The following HMOX2 variants were observed in gnomAD, a reference collection of about 807,000 sequenced individuals.
HMOX2 encodes the protein heme oxygenase 2, also known as heme oxygenase (decycling) 2.
A neutral mutation model predicts 33.7 loss-of-function variants in HMOX2; 30 were observed. The ratio of observed to expected loss-of-function variants is 0.89; its 90% CI spans 0.67 to 1.21. HMOX2 has a LOEUF of 1.21. Among genes scored for constraint, HMOX2 ranks in the 50% most tolerant of loss-of-function variants. The pLI is 0.00. For synonymous variants in HMOX2, 155 were observed against 155.0 expected, an observed-to-expected ratio of 1.00 and a Z score of 0.00; for missense variants, 403 against 399.1, an observed-to-expected ratio of 1.01 and a Z score of -0.08.
intron 1 of HMOX2, among the ~76,000 whole-genome samples, chr16:4,502,126 T>C (rs17885045): frequency 6.6e-6 from 1 of 152,206 alleles, no homozygotes; most frequent in South Asian, 2.1e-4. Context: ...GCTTTCACCA[T>C]GTTGGCCAGG....
chr16:4,485,814 T>C (rs1394131739), intron 1 of HMOX2, among the ~76,000 whole-genome samples: 1 of 152,172 alleles, frequency 6.6e-6, no homozygotes, highest in East Asian at 1.9e-4. Context: ...AACCTCTGCC[T>C]CCCGGGTTCA....
intron 1 of HMOX2, among the ~76,000 whole-genome samples, chr16:4,479,269 G>T (rs1291669021): frequency 3.9e-5 from 6 of 152,134 alleles, no homozygotes; most frequent in Non-Finnish European, 7.3e-5. Flanking sequence ...TAAGTTTTTG[G>T]TGTCTTTGGA....
intron 1 of HMOX2, among the ~76,000 whole-genome samples, chr16:4,497,569 C>G (rs1411544202): frequency 6.6e-6 from 1 of 152,128 alleles, no homozygotes; most frequent in Admixed American, 6.5e-5. Flanking sequence ...CATCATTGTC[C>G]CAACAATAGT....
In HMOX2 at chr16:4,500,894, T is replaced by A. The variant is rs529306474; in HGVS notation, c.-41-4590T>A. Among the ~76,000 whole-genome samples, 4 of 152,240 alleles carry A rather than the reference T, an allele frequency of 2.6e-5. No individual in the cohort carries two copies. In the East Asian group the frequency reaches 7.7e-4, roughly 29 times the overall value. On this transcript the variant is annotated intron_variant, in intron 1 of 5. Coordinates refer to ENST00000570646, the MANE Select transcript of HMOX2 (RefSeq NM_002134.4). ...GCTTCTGTTAGCTCAGGTGTTGGAA[T>A]GAGAATCAGCAGCTGATGAGGTGAA...
chr16:4,506,944 G>T lies in HMOX2; in HGVS notation c.136G>T (p.Asp46Tyr). 1 of 1,614,086 alleles carries T rather than the reference G, an allele frequency of 6.2e-7. No individual in the cohort carries two copies. Among genetic ancestry groups the T allele is most frequent in the Non-Finnish European group, 8.5e-7 (1 of 1,179,996 alleles). ...GAAGGAAGGGACCAAGGAAGCACAC[G>T]ACCGGGCAGAAAACACCCAGTTTGT... Reference protein sequence around the residue: ...LLKEGTKEAHDRAENTQFVKD... With the variant: ...LLKEGTKEAHYRAENTQFVKD... Residue 46 changes from aspartate to tyrosine, a missense_variant, in exon 3 of 6, where the codon GAC becomes TAC. By Grantham distance (160) the Asp-to-Tyr change is radical. Coordinates refer to ENST00000570646, the MANE Select transcript of HMOX2 (RefSeq NM_002134.4).
chr16:4,478,288 C>T (rs2057924800), intron 1 of HMOX2, among the ~76,000 whole-genome samples: 1 of 152,214 alleles, frequency 6.6e-6, no homozygotes, highest in Non-Finnish European at 1.5e-5. Context: ...GCCTTTAGCT[C>T]ACCCCTCATC....
At chr16:4,488,853 C>G (rs2058239258) in intron 1 of HMOX2, 1 of 142,934 alleles carries the variant, frequency 7.0e-6, no homozygotes, top group African/African-American at 2.6e-5. Flanking sequence ...GAGACAGGAT[C>G]TCACTCTGTC....
In HMOX2 at chr16:4,509,848, C is replaced by G; in HGVS notation, c.*92C>G. The G allele has an allele frequency of 7.0e-7, 1 of 1,423,868 alleles. No individual in the cohort carries two copies. Among genetic ancestry groups the G allele is most frequent in the Non-Finnish European group, 9.4e-7 (1 of 1,059,154 alleles). 88.2% of individuals were successfully genotyped at this position (1,423,868 alleles called of 1,614,324 possible). ...CTGACTAAACTACCACCTCAGGTGA[C>G]TTTTTAAAAAATGCTGGGTTTAAGA... On this transcript the variant is annotated 3_prime_UTR_variant, in exon 6 of 6. Transcript: ENST00000570646.
At chr16:4,488,175 T>G (rs937395200) in intron 1 of HMOX2, among the ~76,000 whole-genome samples, 5 of 151,096 alleles carry the variant, frequency 3.3e-5, no homozygotes, top group African/African-American at 4.9e-5. Context: ...CTCACAGCCC[T>G]GGAGAATGCC....
At chr16:4,483,511 A>G (rs1436138657) in intron 1 of HMOX2, 2 of 152,178 alleles carry the variant, frequency 1.3e-5, no homozygotes, top group Non-Finnish European at 2.9e-5. Flanking sequence ...GTTAAAGACC[A>G]ATATCAGAAT....
intron 1 of HMOX2, among the ~76,000 whole-genome samples, chr16:4,481,348 C>CA (rs60035479): frequency 0.32 from 36,003 of 113,796 alleles, 5,250 homozygotes; most frequent in South Asian, 0.45. Context: ...GACTCCGTCT[C>CA]AAAAAAAAAA....
In HMOX2 at chr16:4,478,164, C is replaced by T. The variant is rs184647277; in HGVS notation, c.-42+1677C>T. On this transcript the variant is annotated intron_variant, in intron 1 of 5. Coordinates refer to ENST00000570646, the MANE Select transcript of HMOX2 (RefSeq NM_002134.4). ...TTCCTCCATTGTCTGACTTGATTTCCTTTTTTCCTTGGCTGTGGCAACATG... is the reference window on the plus strand; with the variant it reads ...TTCCTCCATTGTCTGACTTGATTTCTTTTTTTCCTTGGCTGTGGCAACATG... Among the ~76,000 whole-genome samples, 304 of 152,226 alleles carry T rather than the reference C, an allele frequency of 2.0e-3. 2 individuals are homozygous for T. Among genetic ancestry groups the T allele is most frequent in the Non-Finnish European group, 3.1e-3 (213 of 68,012 alleles).
chr16:4,507,664 G>A (rs201894010), intron 3 of HMOX2, 49 bp from the exon 4 acceptor site: 83 of 1,581,908 alleles, frequency 5.2e-5, no homozygotes, highest in Admixed American at 8.7e-5. Flanking sequence ...CCAGCTGCTC[G>A]GATGTGGTGT....
chr16:4,498,998 C>T (rs2058492229), intron 1 of HMOX2, among the ~76,000 whole-genome samples: 1 of 152,214 alleles, frequency 6.6e-6, no homozygotes, highest in Non-Finnish European at 1.5e-5. Context: ...GTATTCTAGC[C>T]TCCAGTGCTC....
intron 1 of HMOX2, among the ~76,000 whole-genome samples, chr16:4,481,126 C>T (rs1230073122): frequency 1.3e-5 from 2 of 151,144 alleles, no homozygotes; most frequent in African/African-American, 4.9e-5. Flanking sequence ...GCGGGCGGAT[C>T]ACGAGGTCAG....
intron 4 of HMOX2, 75 bp downstream of exon 4, chr16:4,508,279 A>G: frequency 1.4e-6 from 2 of 1,470,542 alleles, no homozygotes; most frequent in Non-Finnish European, 1.8e-6. Flanking sequence ...ATAGTGGCCC[A>G]TGAAGGCACA....
At position 4,509,542 on chromosome 16, in the gene HMOX2, G is replaced by C; in HGVS notation, c.823+4G>C. The C allele has an allele frequency of 6.2e-7, 1 of 1,614,156 alleles. No homozygotes were observed. The highest frequency in any genetic ancestry group is 1.1e-5 in the South Asian group (1 of 91,080). On this transcript the variant is annotated splice_donor_region_variant and intron_variant, in intron 5 of 5. Transcript: ENST00000570646. ...TACGCTGCTGAACAAGACAAAGGTA[G>C]GTCTGTGTGTCCTGAGCTCCCCTCC... is the stretch of plus-strand genomic sequence containing the variant.
chr16:4,477,744 C>A (rs2057905760), intron 1 of HMOX2, among the ~76,000 whole-genome samples: 1 of 151,974 alleles, frequency 6.6e-6, no homozygotes, highest in Non-Finnish European at 1.5e-5. Flanking sequence ...CATGGTGAAA[C>A]CCCGTCTCTA....
At chr16:4,485,796 C>A (rs1567383217) in intron 1 of HMOX2, among the ~76,000 whole-genome samples, 1 of 152,160 alleles carries the variant, frequency 6.6e-6, no homozygotes, top group Non-Finnish European at 1.5e-5. Context: ...TTGATCTCGG[C>A]TCACTGCAAC....
Sources: allele counts gnomAD v4.1 joint callset (sites outside exome capture counted in the v4.1 genomes callset), GRCh38; gene constraint gnomAD v4.1.1; transcripts MANE v1.5; gene names NCBI Gene and HGNC (gene_info 2026-07-23, HGNC 2026-07-21).